PRDM5: variants seen among roughly 807,000 people sequenced by gnomAD.
The protein encoded by PRDM5 is PR/SET domain 5.
A neutral mutation model predicts 81.2 loss-of-function variants in PRDM5; 56 were observed. That is an observed-to-expected ratio of 0.69 (90% CI 0.56 to 0.86). PRDM5 has a LOEUF of 0.86. Ranked by LOEUF, PRDM5 falls within the 40% of genes least tolerant of loss-of-function variation. The pLI is 0.00. For missense variants in PRDM5, 697 were observed against 770.1 expected (o/e 0.91, Z 1.12); for synonymous variants, 267 against 256.4 (o/e 1.04, Z -0.39).
At chr4:120,744,203 G>A (rs1009885871) in intron 14 of PRDM5, among the ~76,000 whole-genome samples, 4 of 151,976 alleles carry the variant, frequency 2.6e-5, no homozygotes, top group Non-Finnish European at 4.4e-5. Context: ...CGAAATGAAG[G>A]CAGAAATAAA....
chr4:120,835,259 C>A (rs75349251), intron 3 of PRDM5, among the ~76,000 whole-genome samples: 2 of 152,048 alleles, frequency 1.3e-5, no homozygotes, highest in Non-Finnish European at 2.9e-5. Context: ...ATGAATGTGA[C>A]GACAAAGAGC....
intron 7 of PRDM5, chr4:120,812,686 G>T: frequency 6.5e-6 from 2 of 307,396 alleles, no homozygotes; most frequent in East Asian, 1.2e-4. Flanking sequence ...CTTGTCAGAT[G>T]GGTAGTTTGC....
At chr4:120,713,825 C>T (rs1443913587) in intron 14 of PRDM5, among the ~76,000 whole-genome samples, 1 of 152,148 alleles carries the variant, frequency 6.6e-6, no homozygotes, top group African/African-American at 2.4e-5. Flanking sequence ...TATTTCTCAC[C>T]ATTCTGGAGG....
intron 1 of PRDM5, among the ~76,000 whole-genome samples, chr4:120,918,580 GT>G (rs1724493957): frequency 7.6e-6 from 1 of 131,730 alleles, no homozygotes; most frequent in South Asian, 2.4e-4. Flanking sequence ...TTTGACTTTT[GT>G]TTTAAAATCT....
At chr4:120,873,299 CT>C (rs1762024755) in intron 2 of PRDM5, among the ~76,000 whole-genome samples, 1 of 152,132 alleles carries the variant, frequency 6.6e-6, no homozygotes, top group South Asian at 2.1e-4. Flanking sequence ...CCACCACGCC[CT>C]GACCACAATT....
intron 4 of PRDM5, 127 bp from the exon 5 acceptor site, chr4:120,818,654 A>G: frequency 1.3e-6 from 1 of 794,718 alleles, no homozygotes; most frequent in South Asian, 1.6e-5. Flanking sequence ...AATTCTTATT[A>G]TCACTATAAA....
chr4:120,732,525 G>A (rs545121559), intron 14 of PRDM5, among the ~76,000 whole-genome samples: 6 of 152,082 alleles, frequency 3.9e-5, no homozygotes, highest in Admixed American at 6.5e-5. Flanking sequence ...CTTATCTCTT[G>A]AAATCAGATG....
intron 10 of PRDM5, among the ~76,000 whole-genome samples, chr4:120,796,799 AAAATG>A (rs919760400): frequency 6.6e-6 from 1 of 152,206 alleles, no homozygotes; most frequent in Non-Finnish European, 1.5e-5. Context: ...CAAAAGAGAT[AAAATG>A]AAGTCTTTGG....
chr4:120,704,646 T>G (rs1467707118), intron 15 of PRDM5, among the ~76,000 whole-genome samples: 5 of 152,212 alleles, frequency 3.3e-5, no homozygotes, highest in African/African-American at 1.2e-4. Flanking sequence ...TGTCTAGCCC[T>G]TGTGGAGTCC....
chr4:120,885,798 GA>G (rs34138951), intron 2 of PRDM5: 38,124 of 130,288 alleles, frequency 0.29, 5,466 homozygotes, highest in African/African-American at 0.43. Flanking sequence ...ATCACCGAAA[GA>G]AAAAAAAAAA....
chr4:120,743,476 C>T (rs1351876296), intron 14 of PRDM5, among the ~76,000 whole-genome samples: 2 of 144,396 alleles, frequency 1.4e-5, no homozygotes, highest in Admixed American at 7.0e-5. Context: ...TTAAAAGACA[C>T]AGACTGGCAA....
intron 2 of PRDM5, 110 bp downstream of exon 2, chr4:120,907,364 C>A (rs1901135): frequency 1.5e-5 from 13 of 881,406 alleles, no homozygotes; most frequent in Non-Finnish European, 1.8e-5. Context: ...TAAAACATTT[C>A]AATACTTAAA....
Position 120,816,468 on chromosome 4 carries a change from C to T in PRDM5, c.850G>A (p.Glu284Lys). 6.2e-7 allele frequency: 1 copy of T among 1,614,196 alleles called. No homozygotes were observed. The highest frequency in any genetic ancestry group is 1.1e-5 in the South Asian group (1 of 91,080). Residue 284 changes from glutamate to lysine, a missense_variant, in exon 7 of 16, where the codon GAA becomes AAA. Physicochemically the swap from Glu to Lys is moderately conservative, Grantham distance 56. Transcript: ENST00000264808. Reference protein sequence around the residue: ...KSKDALKRHQENVHTGDPKKK... With the variant: ...KSKDALKRHQKNVHTGDPKKK... ...GACTCCTCACCAGTGTGGACATTTT[C>T]CTGGTGTCTTTTCAGGGCATCCTTG...
intron 1 of PRDM5, among the ~76,000 whole-genome samples, chr4:120,686,217 T>C (rs1469320790): frequency 1.4e-5 from 2 of 146,230 alleles, no homozygotes; most frequent in Non-Finnish European, 3.1e-5. Flanking sequence ...TTTGTTTCTT[T>C]ATAGGTAATA....
intron 2 of PRDM5, among the ~76,000 whole-genome samples, chr4:120,893,994 T>C (rs1038813194): frequency 1.3e-5 from 2 of 152,210 alleles, no homozygotes; most frequent in Non-Finnish European, 2.9e-5. Flanking sequence ...TATAAGTCTT[T>C]AAATTGAAAT....
At chr4:120,871,179 A>G (rs1457719040) in intron 2 of PRDM5, among the ~76,000 whole-genome samples, 1 of 152,170 alleles carries the variant, frequency 6.6e-6, no homozygotes, top group Non-Finnish European at 1.5e-5. Flanking sequence ...ACTTCTCTCT[A>G]GTTCCACATA....
chr4:120,848,880 A>T (rs560044102), intron 3 of PRDM5, among the ~76,000 whole-genome samples: 2 of 152,296 alleles, frequency 1.3e-5, no homozygotes, highest in Admixed American at 1.3e-4. Flanking sequence ...TTACTGGAAG[A>T]TAACCTATTA....
intron 2 of PRDM5, among the ~76,000 whole-genome samples, chr4:120,878,699 C>A (rs577580764): frequency 7.2e-5 from 11 of 152,194 alleles, no homozygotes; most frequent in Admixed American, 5.9e-4. Context: ...AATAGGAAAA[C>A]AACTCAATTT....
chr4:120,831,286 A>C (rs183824277), intron 3 of PRDM5, among the ~76,000 whole-genome samples: 102 of 152,042 alleles, frequency 6.7e-4, no homozygotes, highest in Admixed American at 2.5e-3. Flanking sequence ...CTTAACTGAC[A>C]CTCTGCATAC....
Sources: allele counts gnomAD v4.1 joint callset (sites outside exome capture counted in the v4.1 genomes callset), GRCh38; gene constraint gnomAD v4.1.1; transcripts MANE v1.5; gene names NCBI Gene and HGNC (gene_info 2026-07-23, HGNC 2026-07-21).